Variants in ESPN observed in about 807,000 individuals in gnomAD.
ESPN encodes autosomal recessive deafness type 36 protein.
A neutral mutation model predicts 77.7 loss-of-function variants in ESPN; 68 were observed. The observed-to-expected ratio is 0.87, with a 90% CI of 0.72 to 1.07. The LOEUF is 1.07. Ranked by LOEUF, ESPN falls within the 50% of genes least tolerant of loss-of-function variation. The pLI is 0.00. For synonymous variants in ESPN, 449 were observed against 567.1 expected (o/e 0.79, Z 2.96); for missense variants, 1,060 against 1,239.0 (o/e 0.86, Z 2.17).
In ESPN at chr1:6,447,137, GAGC is replaced by G. The variant is rs1306562282; in HGVS notation, c.1464+1203_1464+1205del. 4.6e-5 allele frequency: 7 copies of G among 153,110 alleles called. No homozygotes were observed. The highest frequency in any genetic ancestry group is 1.7e-4 in the African/African-American group (7 of 41,082). The allele number at this position is 153,110 out of a possible 1,614,324, so 9.5% of individuals were successfully genotyped here. Reference sequence around the variant, plus strand: ...CTGCGTGGTCCCCTCCTGGCTGTGTGAGCCCCCTCCCGGCTGTGTGCGTCCCTC... The same window carrying G: ...CTGCGTGGTCCCCTCCTGGCTGTGTGCCCCTCCCGGCTGTGTGCGTCCCTC... On this transcript the variant is annotated intron_variant, in intron 7 of 12. Transcript: ENST00000645284. This position sits in a 1 kb window ranked among gnomAD's most constrained non-coding sequence, Gnocchi z 5.2.
Position 6,460,034 on chromosome 1 carries a change from G to C in ESPN, c.2453G>C (p.Arg818Pro), listed in dbSNP as rs1367334252. 3.7e-6 allele frequency: 6 copies of C among 1,613,420 alleles called. No homozygotes were observed. Among genetic ancestry groups the C allele is most frequent in the African/African-American group, 2.7e-5 (2 of 74,930 alleles). ...EEERQKQEEL[R>P]REKEQSEKLR... Reference sequence around the variant, plus strand: ...GAGCGACAGAAGCAGGAGGAGCTGCGGCGGGAGAAGGAACAGTCAGAGAAG... The same window carrying C: ...GAGCGACAGAAGCAGGAGGAGCTGCCGCGGGAGAAGGAACAGTCAGAGAAG... The change falls in exon 13 of 13, where the codon CGG (arginine) becomes CCG (proline). Residue 818 changes from arginine (R) to proline (P), a missense_variant. Arg to Pro is a moderately radical substitution (Grantham distance 103). This residue lies in a region of ESPN where 374 missense variants were observed against 381.4 expected (regional missense o/e 0.98). Coordinates refer to ENST00000645284, the MANE Select transcript of ESPN (RefSeq NM_031475.3).
intron 12 of ESPN, among the ~76,000 whole-genome samples, chr1:6,458,717 G>A (rs1644097197): frequency 6.6e-6 from 1 of 151,382 alleles, no homozygotes; most frequent in Non-Finnish European, 1.5e-5. Context: ...GATCACCTGA[G>A]GTCAGGAGTT....
Sources: gnomAD v4.1 joint callset for allele counts (sites outside exome capture counted in the v4.1 genomes callset) on GRCh38, gnomAD v4.1.1 for gene constraint, gnomAD v4.1.1 regional missense constraint, Gnocchi (gnomAD v3.1) non-coding constraint, MANE v1.5 for transcripts, NCBI Gene and HGNC (gene_info 2026-07-23, HGNC 2026-07-21) for gene names.